Variants in PLXDC2 observed in about 807,000 individuals in gnomAD.
The protein encoded by PLXDC2 is plexin domain-containing protein 2.
PLXDC2 carries 40 observed loss-of-function variants against 68.9 expected under a neutral mutation model. The ratio of observed to expected loss-of-function variants is 0.58; its 90% CI spans 0.45 to 0.76. The LOEUF (loss-of-function observed/expected upper bound fraction) is 0.76, where lower values mean the gene tolerates loss of function less well. Among genes scored for constraint, PLXDC2 ranks in the 30% least tolerant of loss-of-function variants. The probability of loss-of-function intolerance (pLI) is 0.00; values close to 1 mark genes in which losing one functional copy is unlikely to be tolerated. For synonymous variants in PLXDC2, 243 were observed against 234.2 expected (o/e 1.04, Z -0.34); for missense variants, 644 against 661.9 (o/e 0.97, Z 0.30).
intron 12 of PLXDC2, among the ~76,000 whole-genome samples, chr10:20,225,383 G>A (rs188655417): frequency 1.3e-5 from 2 of 151,364 alleles, no homozygotes; most frequent in African/African-American, 4.8e-5. Context: ...GATTTTTTTT[G>A]TACACTTCTT....
chr10:20,136,682 A>T (rs1459930900), intron 4 of PLXDC2, among the ~76,000 whole-genome samples: 1 of 152,256 alleles, frequency 6.6e-6, no homozygotes, highest in Non-Finnish European at 1.5e-5. Context: ...TAACGTTATA[A>T]CAAAGATGAC....
At chr10:20,096,153 C>T (rs554603487) in intron 4 of PLXDC2, among the ~76,000 whole-genome samples, 55 of 152,218 alleles carry the variant, frequency 3.6e-4, no homozygotes, top group Non-Finnish European at 7.4e-4. Context: ...AAGGAGGGCA[C>T]GGTGTGACCT....
At chr10:19,965,832 C>T (rs973777073) in intron 1 of PLXDC2, among the ~76,000 whole-genome samples, 1 of 151,978 alleles carries the variant, frequency 6.6e-6, no homozygotes, top group African/African-American at 2.4e-5. Context: ...TAACACTGGG[C>T]TTGTATGCCC....
rs955013072 is a variant in PLXDC2 at position 19,870,326 on chromosome 10, G to T, written c.112+53135G>T. On this transcript the variant is annotated intron_variant, in intron 1 of 13. Coordinates refer to ENST00000377252, the MANE Select transcript of PLXDC2 (RefSeq NM_032812.9). ...TTCTTCACCTCTGAATATAGTTAAA[G>T]GTGATGAATTAACTGAAATAATGTA... Among the ~76,000 whole-genome samples, 14 of 152,270 alleles carry T rather than the reference G, an allele frequency of 9.2e-5. 1 individual carries two copies. Among genetic ancestry groups the T allele is most frequent in the Admixed American group, 2.6e-4 (4 of 15,300 alleles).
intron 4 of PLXDC2, among the ~76,000 whole-genome samples, chr10:20,072,493 G>GAAAGAA (rs10687286): frequency 2.0e-4 from 16 of 80,772 alleles, no homozygotes; most frequent in South Asian, 1.0e-3. Context: ...AAGAAAGAAA[G>GAAAGAA]AGAAAGAAAG....
At chr10:20,068,367 A>T (rs1836253021) in intron 4 of PLXDC2, 128 bp downstream of exon 4, 4 of 828,058 alleles carry the variant, frequency 4.8e-6, no homozygotes, top group Non-Finnish European at 7.3e-6. Context: ...ACAAAGTCAT[A>T]GGTATAAATA....
chr10:20,146,519 C>CCTTCCTTCCTTCCTCA, intron 5 of PLXDC2, among the ~76,000 whole-genome samples: 1 of 131,894 alleles, frequency 7.6e-6, no homozygotes, highest in South Asian at 2.6e-4. Context: ...TTCCTTCCTT[C>CCTTCCTTCCTTCCTCA]CTCCCTCCCT....
intron 1 of PLXDC2, among the ~76,000 whole-genome samples, chr10:19,963,181 C>T (rs971597197): frequency 1.4e-4 from 21 of 152,212 alleles, no homozygotes; most frequent in African/African-American, 5.1e-4. Context: ...ATCCCTCACA[C>T]ATTCATTTCC....
chr10:19,970,687 T>A lies in PLXDC2; in HGVS notation c.113-31088T>A, dbSNP rs16919632. Among the ~76,000 whole-genome samples, 1,081 of 152,334 alleles carry A rather than the reference T, an allele frequency of 7.1e-3. 15 individuals carry two copies. The highest frequency in any genetic ancestry group is 0.025 in the African/African-American group (1,023 of 41,578). On this transcript the variant is annotated intron_variant, in intron 1 of 13. Transcript: ENST00000377252. ...GACATATTTTAGATGCTTTTGACTA[T>A]GAAATTCTCAAATCCTCAATTGTGG... is the stretch of plus-strand genomic sequence containing the variant.
intron 12 of PLXDC2, among the ~76,000 whole-genome samples, chr10:20,242,163 A>G (rs761605008): frequency 7.9e-5 from 12 of 152,150 alleles, no homozygotes; most frequent in Non-Finnish European, 1.3e-4. Context: ...ACTGTGTCAT[A>G]CTCTTATAAA....
At chr10:20,202,016 A>G (rs544621251) in intron 9 of PLXDC2, among the ~76,000 whole-genome samples, 1 of 152,302 alleles carries the variant, frequency 6.6e-6, no homozygotes, top group East Asian at 1.9e-4. Flanking sequence ...AGCCAATGCT[A>G]TTTAACATAT....
chr10:19,878,802 C>A (rs984115083), intron 1 of PLXDC2, among the ~76,000 whole-genome samples: 1 of 152,112 alleles, frequency 6.6e-6, no homozygotes, highest in Non-Finnish European at 1.5e-5. Context: ...TGTCATCTCC[C>A]ACATATTAGA....
intron 1 of PLXDC2, among the ~76,000 whole-genome samples, chr10:19,951,302 C>G (rs1304211260): frequency 6.6e-6 from 1 of 152,022 alleles, no homozygotes; most frequent in Non-Finnish European, 1.5e-5. Flanking sequence ...ACAAACAAAG[C>G]AACCCCATTA....
At chr10:20,101,176 G>A (rs1833417221) in intron 4 of PLXDC2, among the ~76,000 whole-genome samples, 1 of 152,148 alleles carries the variant, frequency 6.6e-6, no homozygotes, top group South Asian at 2.1e-4. Context: ...TGAGTATAAA[G>A]ATTTGAGAGG....
chr10:19,894,567 A>T (rs961820071), intron 1 of PLXDC2, among the ~76,000 whole-genome samples: 1 of 152,190 alleles, frequency 6.6e-6, no homozygotes, highest in Admixed American at 6.5e-5. Context: ...TAAACAGTGG[A>T]TACCCAAATA....
At chr10:19,841,239 T>G (rs529777118) in intron 1 of PLXDC2, among the ~76,000 whole-genome samples, 58 of 152,194 alleles carry the variant, frequency 3.8e-4, no homozygotes, top group Non-Finnish European at 7.5e-4. Context: ...CATCACACTT[T>G]GAAATGTGCA....
intron 2 of PLXDC2, among the ~76,000 whole-genome samples, chr10:20,020,703 G>A (rs936106400): frequency 2.0e-5 from 3 of 152,016 alleles, no homozygotes; most frequent in Admixed American, 1.3e-4. Context: ...CTTTATATCT[G>A]TAACACATTT....
At position 19,866,385 on chromosome 10, in the gene PLXDC2, G is replaced by A. The variant is rs1326716275; in HGVS notation, c.112+49194G>A. Among the ~76,000 whole-genome samples the A allele has an allele frequency of 5.3e-5, 8 of 152,044 alleles. 1 individual carries two copies. In the East Asian group the frequency reaches 7.7e-4, roughly 15 times the overall value. On this transcript the variant is annotated intron_variant, in intron 1 of 13. Transcript: ENST00000377252. ...GGCCCCATCTTCCTTATTCTAAGCC[G>A]GCAAAGTTGCATTTCTCTGATCTTT...
chr10:20,000,084 G>T (rs149906359), intron 1 of PLXDC2, among the ~76,000 whole-genome samples: 19 of 152,104 alleles, frequency 1.2e-4, no homozygotes, highest in African/African-American at 4.6e-4. Context: ...CAATTCATTC[G>T]TCCACTCATT....
Sources: gnomAD v4.1 joint callset for allele counts (sites outside exome capture counted in the v4.1 genomes callset) on GRCh38, gnomAD v4.1.1 for gene constraint, MANE v1.5 for transcripts, NCBI Gene and HGNC (gene_info 2026-07-23, HGNC 2026-07-21) for gene names.